Variants in CLCC1 observed in about 807,000 individuals in gnomAD.
CLCC1 encodes chloride channel CLIC-like protein 1.
CLCC1 carries 39 observed loss-of-function variants against 63.3 expected under a neutral mutation model. The ratio of observed to expected loss-of-function variants is 0.62; its 90% CI spans 0.48 to 0.81. CLCC1 has a LOEUF of 0.81. Among genes scored for constraint, CLCC1 ranks in the 30% least tolerant of loss-of-function variants. CLCC1 has a pLI of 0.00. For missense variants in CLCC1, 549 were observed against 669.4 expected, an observed-to-expected ratio of 0.82 and a Z score of 1.98; for synonymous variants, 217 against 239.8, an observed-to-expected ratio of 0.90 and a Z score of 0.88.
At position 108,943,831 on chromosome 1, in the gene CLCC1, C is replaced by T. The variant is rs768420954; in HGVS notation, c.561+5G>A. On this transcript the variant is annotated splice_donor_5th_base_variant and intron_variant, in intron 6 of 12. Coordinates refer to ENST00000369969, the MANE Select transcript of CLCC1 (RefSeq NM_001377458.1). ...GACGTTGCCCTTGCCCTCATCCCAT[C>T]TTACCATTAACACATTATATGGATC... 1.9e-6 allele frequency: 3 copies of T among 1,601,726 alleles called. No homozygotes were observed. The highest frequency in any genetic ancestry group is 3.4e-5 in the Admixed American group (2 of 59,478).
intron 3 of CLCC1, 75 bp from the exon 4 acceptor site, chr1:108,949,996 A>G: frequency 1.1e-6 from 1 of 887,518 alleles, no homozygotes; most frequent in Non-Finnish European, 1.8e-6. Flanking sequence ...ATGAAGACTA[A>G]GATTCTGACT....
rs1570995810 is a variant in CLCC1, at chr1:108,934,488, T to C, written c.*45+137A>G. Reference sequence around the variant, plus strand: ...GAAGATGAAATGAAAAGCTTTTACATATATAACGTGTTTGTTAATTCTAAT... The same window carrying C: ...GAAGATGAAATGAAAAGCTTTTACACATATAACGTGTTTGTTAATTCTAAT... On this transcript the variant is annotated intron_variant, in intron 12 of 12. Coordinates refer to ENST00000369969, the MANE Select transcript of CLCC1 (RefSeq NM_001377458.1). The C allele has an allele frequency of 4.7e-6, 3 of 639,894 alleles. No individual in the cohort carries two copies. In the East Asian group the frequency reaches 8.3e-5, roughly 18 times the overall value. The allele number at this position is 639,894 out of a possible 1,614,324, so 39.6% of individuals were successfully genotyped here. A position where few individuals can be genotyped will look rare whatever the true frequency, so the allele number is the denominator to read the frequency against.
rs183401605 is a variant in CLCC1, at chr1:108,954,323, T to C, written c.-11-3875A>G. Among the ~76,000 whole-genome samples, 993 of 129,512 alleles carry C rather than the reference T, an allele frequency of 7.7e-3. 12 individuals carry two copies. Among genetic ancestry groups the C allele is most frequent in the Admixed American group, 0.012 (149 of 12,536 alleles). 85.0% of individuals were successfully genotyped at this position (129,512 alleles called of 152,430 possible). A position where few individuals can be genotyped will look rare whatever the true frequency, so the allele number is the denominator to read the frequency against. On this transcript the variant is annotated intron_variant, in intron 2 of 12. Transcript: ENST00000369969. The stretch of plus-strand genomic sequence containing the variant: ...TAACATGGTGAAACCCAGTCTCTAA[T>C]AAAACAACAACAACAACAAAAATTA...
chr1:108,961,816 G>A (rs1051469755), intron 2 of CLCC1, among the ~76,000 whole-genome samples: 1 of 151,768 alleles, frequency 6.6e-6, no homozygotes, highest in Non-Finnish European at 1.5e-5. Context: ...CCGAGATCGC[G>A]CCATTGCACT....
chr1:108,934,009 C>T (rs1439259687), intron 12 of CLCC1: 12 of 152,190 alleles, frequency 7.9e-5, no homozygotes, highest in Admixed American at 6.5e-4. Context: ...CATTTTCAGT[C>T]GACTGACTCT....
intron 5 of CLCC1, 82 bp downstream of exon 5, chr1:108,947,529 G>T: frequency 1.2e-6 from 1 of 819,512 alleles, no homozygotes; most frequent in Non-Finnish European, 1.9e-6. Flanking sequence ...GCATCATGAT[G>T]CTTTCACTTC....
chr1:108,947,133 C>T (rs866390948), intron 5 of CLCC1, among the ~76,000 whole-genome samples: 6 of 151,820 alleles, frequency 4.0e-5, no homozygotes, highest in Non-Finnish European at 4.4e-5. Flanking sequence ...GACGGTACTC[C>T]GGCCTGGACA....
At position 108,939,799 on chromosome 1, in the gene CLCC1, G is replaced by A. The variant is rs1392485188; in HGVS notation, c.895-17C>T. ...TGCAAGTGCCTAAAACGAGAGAAAA[G>A]CAACTTAATTTTCTCCTCACAGGAC... On this transcript the variant is annotated splice_polypyrimidine_tract_variant and intron_variant, in intron 9 of 12. Coordinates refer to ENST00000369969, the MANE Select transcript of CLCC1 (RefSeq NM_001377458.1). 2 of 1,610,978 alleles carry A rather than the reference G, an allele frequency of 1.2e-6. No homozygotes were observed. Among genetic ancestry groups the A allele is most frequent in the Non-Finnish European group, 1.7e-6 (2 of 1,178,662 alleles).
intron 2 of CLCC1, among the ~76,000 whole-genome samples, chr1:108,957,809 G>T (rs1375007882): frequency 2.0e-5 from 3 of 151,410 alleles, no homozygotes; most frequent in African/African-American, 7.4e-5. Context: ...AAGGAGAGCA[G>T]TGGGACTACA....
At chr1:108,939,182 C>CAT (rs10594082) in intron 10 of CLCC1, among the ~76,000 whole-genome samples, 38 of 140,084 alleles carry the variant, frequency 2.7e-4, no homozygotes, top group South Asian at 8.9e-4. Flanking sequence ...ACTGACAGTG[C>CAT]ATATATATAT....
In CLCC1 at chr1:108,930,426, A is replaced by G. The variant is rs1651734856; in HGVS notation, c.*2121T>C. 2 of 153,828 alleles carry G rather than the reference A, an allele frequency of 1.3e-5. No individual in the cohort carries two copies. Among genetic ancestry groups the G allele is most frequent in the African/African-American group, 4.8e-5 (2 of 41,424 alleles). The allele number at this position is 153,828 out of a possible 1,614,324, so 9.5% of individuals were successfully genotyped here. A position where few individuals can be genotyped will look rare whatever the true frequency, so the allele number is the denominator to read the frequency against. ...ATCTAGGTTTTTTTTTCCTCCATGAAAATCTGTTTTTTTAGGCCAAAGTCA... is the reference window on the plus strand; with the variant it reads ...ATCTAGGTTTTTTTTTCCTCCATGAGAATCTGTTTTTTTAGGCCAAAGTCA... On this transcript the variant is annotated 3_prime_UTR_variant, in exon 13 of 13. Coordinates refer to ENST00000369969, the MANE Select transcript of CLCC1 (RefSeq NM_001377458.1).
At chr1:108,961,270 G>A (rs1656589382) in intron 2 of CLCC1, among the ~76,000 whole-genome samples, 2 of 124,782 alleles carry the variant, frequency 1.6e-5, no homozygotes, top group South Asian at 6.3e-4. Context: ...ATCTAAACCT[G>A]CTGAAGAGTT....
At chr1:108,962,030 A>C (rs1202182701) in intron 2 of CLCC1, among the ~76,000 whole-genome samples, 1 of 152,186 alleles carries the variant, frequency 6.6e-6, no homozygotes, top group Admixed American at 6.5e-5. Context: ...TAGAACCCAG[A>C]CTGGCTCTAC....
chr1:108,935,532 C>G (rs1335740422), intron 11 of CLCC1, among the ~76,000 whole-genome samples: 3 of 152,062 alleles, frequency 2.0e-5, no homozygotes, highest in African/African-American at 7.2e-5. Context: ...TTTGGGAGGC[C>G]AAGGTGAGAA....
intron 1 of CLCC1, 137 bp downstream of exon 1, chr1:108,963,224 G>A (rs1475366734): frequency 8.6e-6 from 5 of 580,866 alleles, no homozygotes; most frequent in Non-Finnish European, 1.5e-5. Context: ...GACGCACGCA[G>A]CTAGCACGGT....
chr1:108,934,775 G>C lies in CLCC1; in HGVS notation c.1551C>G (p.Leu517=). The change falls in exon 12 of 13, where the codon CTC becomes CTG. Residue 517 remains leucine, a synonymous_variant. Transcript: ENST00000369969. The part of the protein sequence containing the change: ...EGSPAAEKAQ[L]KSEAAGSPDQ... ...CTGGGCTGCCTGCGGCTTCAGACTT[G>C]AGCTGGGCCTTTTCCGCTGCGGGTG... is the stretch of plus-strand genomic sequence containing the variant. The C allele has an allele frequency of 6.2e-7, 1 of 1,614,172 alleles. No homozygotes were observed. The highest frequency in any genetic ancestry group is 1.1e-5 in the South Asian group (1 of 91,074).
chr1:108,955,202 G>C (rs1655725236), intron 2 of CLCC1, among the ~76,000 whole-genome samples: 1 of 151,220 alleles, frequency 6.6e-6, no homozygotes. Flanking sequence ...TCTTCAGGAA[G>C]GTTACATTCT....
At chr1:108,935,529 G>A (rs1049936036) in intron 11 of CLCC1, among the ~76,000 whole-genome samples, 4 of 152,172 alleles carry the variant, frequency 2.6e-5, no homozygotes, top group African/African-American at 9.7e-5. Flanking sequence ...AACTTTGGGA[G>A]GCCAAGGTGA....
chr1:108,951,108 C>T (rs546875012), intron 2 of CLCC1, among the ~76,000 whole-genome samples: 1 of 152,270 alleles, frequency 6.6e-6, no homozygotes, highest in East Asian at 1.9e-4. Flanking sequence ...GGGAAAAACC[C>T]AAATTTCCAT....
Sources: gnomAD v4.1 joint callset for allele counts (sites outside exome capture counted in the v4.1 genomes callset) on GRCh38, gnomAD v4.1.1 for gene constraint, MANE v1.5 for transcripts, NCBI Gene and HGNC (gene_info 2026-07-23, HGNC 2026-07-21) for gene names.